The following ARHGEF10L variants were observed in gnomAD, a reference collection of about 807,000 sequenced individuals.
ARHGEF10L encodes Rho guanine nucleotide exchange factor 10 like.
ARHGEF10L carries 69 observed loss-of-function variants against 141.2 expected under a neutral mutation model. That is an observed-to-expected ratio of 0.49 (90% CI 0.40 to 0.60). ARHGEF10L has a LOEUF of 0.60. Among genes scored for constraint, ARHGEF10L ranks in the 20% least tolerant of loss-of-function variants. The pLI is 0.00. For synonymous variants in ARHGEF10L, 711 were observed against 718.5 expected, an observed-to-expected ratio of 0.99 and a Z score of 0.17; for missense variants, 1,482 against 1,734.3, an observed-to-expected ratio of 0.85 and a Z score of 2.58.
chr1:17,662,923 A>C (rs2062718780), intron 25 of ARHGEF10L, among the ~76,000 whole-genome samples: 1 of 152,110 alleles, frequency 6.6e-6, no homozygotes, highest in Admixed American at 6.5e-5. Context: ...ACAAGCTCAC[A>C]GCTAGCTGTG....
At chr1:17,529,822 G>A in the ARHGEF10L span, among the ~76,000 whole-genome samples, 14 of 132,688 alleles carry the variant, frequency 1.1e-4, no homozygotes, top group South Asian at 3.6e-3. Flanking sequence ...GAACACATCA[G>A]TCTTTTTTTT....
chr1:17,520,212 C>T, the ARHGEF10L span, among the ~76,000 whole-genome samples: 313 of 152,316 alleles, frequency 2.1e-3, 1 homozygote, highest in African/African-American at 7.1e-3. Context: ...AGCTTTTCCT[C>T]GTGGACTGCC....
intron 2 of ARHGEF10L, among the ~76,000 whole-genome samples, chr1:17,583,925 C>A (rs1314098308): frequency 1.3e-5 from 2 of 152,182 alleles, no homozygotes; most frequent in Non-Finnish European, 1.5e-5. Flanking sequence ...GATCATGGCT[C>A]ACTGCAGCCT....
intron 5 of ARHGEF10L, 150 bp downstream of exon 5, chr1:17,602,368 G>GC: frequency 1.2e-6 from 1 of 804,264 alleles, no homozygotes; most frequent in Non-Finnish European, 1.9e-6. Context: ...ACCAACCACC[G>GC]CCCCCAAGAG....
At position 17,656,042 on chromosome 1, in the gene ARHGEF10L, C is replaced by T; in HGVS notation, c.2645C>T (p.Thr882Ile). 6.4e-7 allele frequency: 1 copy of T among 1,569,896 alleles called. No homozygotes were observed. The highest frequency in any genetic ancestry group is 8.6e-7 in the Non-Finnish European group (1 of 1,156,924). Residue 882 changes from threonine (T) to isoleucine (I), a missense_variant, in exon 24 of 29, where the codon ACA becomes ATA. Thr to Ile is a moderately conservative substitution (Grantham distance 89). Transcript: ENST00000361221. This position sits in a 1 kb window ranked among gnomAD's most constrained non-coding sequence, Gnocchi z 4.9. ...EEAESRDESPTVADPSATVHP... is the reference protein window; with the variant it reads ...EEAESRDESPIVADPSATVHP... ...GCGGAGAGCAGAGACGAGAGCCCGA[C>T]AGTTGCTGACCCCTCGGCCACGGTG...
At chr1:17,516,582 G>A in the ARHGEF10L span, among the ~76,000 whole-genome samples, 3 of 152,308 alleles carry the variant, frequency 2.0e-5, no homozygotes, top group Admixed American at 2.0e-4. Context: ...CAGCCTTCCC[G>A]GTGGGTGAGA....
At chr1:17,517,240 C>T in the ARHGEF10L span, among the ~76,000 whole-genome samples, 1 of 152,214 alleles carries the variant, frequency 6.6e-6, no homozygotes, top group African/African-American at 2.4e-5. Flanking sequence ...GTTACTTTAG[C>T]TCTGAGAATC....
At chr1:17,530,261 C>CT in the ARHGEF10L span, among the ~76,000 whole-genome samples, 7 of 152,240 alleles carry the variant, frequency 4.6e-5, no homozygotes, top group Middle Eastern at 3.4e-3. Context: ...ATCATGCTGG[C>CT]TTACCTGTAA....
chr1:17,635,969 A>G (rs1406888376), intron 18 of ARHGEF10L, among the ~76,000 whole-genome samples: 2 of 151,968 alleles, frequency 1.3e-5, no homozygotes, highest in African/African-American at 4.8e-5. Context: ...TGATTGCACC[A>G]CCTACTCTTG....
intron 10 of ARHGEF10L, among the ~76,000 whole-genome samples, chr1:17,620,561 T>C (rs534955141): frequency 3.7e-4 from 56 of 152,282 alleles, no homozygotes; most frequent in Non-Finnish European, 7.2e-4. Context: ...TGCCATCTGC[T>C]GGGACTGTGT....
Position 17,664,607 on chromosome 1 carries a change from T to C in ARHGEF10L, c.3009+12T>C. On this transcript the variant is annotated intron_variant, in intron 26 of 28. Coordinates refer to ENST00000361221, the MANE Select transcript of ARHGEF10L (RefSeq NM_018125.4). ...CCCTGCAGCCTCAGGTACTGCACTA[T>C]CCTTTGGCTTGTGGCCCTGGAGGCC... 1.3e-6 allele frequency: 2 copies of C among 1,522,594 alleles called. No individual in the cohort carries two copies. Among genetic ancestry groups the C allele is most frequent in the Admixed American group, 2.0e-5 (1 of 49,282 alleles). The allele number at this position is 1,522,594 out of a possible 1,614,324, so 94.3% of individuals were successfully genotyped here. A position where few individuals can be genotyped will look rare whatever the true frequency, so the allele number is the denominator to read the frequency against.
intron 4 of ARHGEF10L, among the ~76,000 whole-genome samples, chr1:17,598,161 G>T (rs576610846): frequency 6.6e-6 from 1 of 151,900 alleles, no homozygotes; most frequent in African/African-American, 2.4e-5. Context: ...GAGTGCAGTG[G>T]CACGATCTCA....
At position 17,644,611 on chromosome 1, in the gene ARHGEF10L, C is replaced by T. The variant is rs1440710758; in HGVS notation, c.2273-3943C>T. ...CTGTGGCTGTGGCCAGCAGCATCTC[C>T]ATGGTGCTGGGGAGGTGTGAGCGGT... On this transcript the variant is annotated intron_variant, in intron 21 of 28. Coordinates refer to ENST00000361221, the MANE Select transcript of ARHGEF10L (RefSeq NM_018125.4). The surrounding 1 kb of genome is among the most constrained non-coding windows in gnomAD (Gnocchi z 4.5). Among the ~76,000 whole-genome samples, 1 of 152,188 alleles carries T rather than the reference C, an allele frequency of 6.6e-6. No individual in the cohort carries two copies. The highest frequency in any genetic ancestry group is 2.4e-5 in the African/African-American group (1 of 41,448).
At chr1:17,563,920 C>T (rs2077643175) in intron 1 of ARHGEF10L, among the ~76,000 whole-genome samples, 1 of 152,134 alleles carries the variant, frequency 6.6e-6, no homozygotes, top group African/African-American at 2.4e-5. Flanking sequence ...AACAAAATGA[C>T]CCAGACAACA....
chr1:17,624,891 T>G (rs956896101), intron 13 of ARHGEF10L, among the ~76,000 whole-genome samples: 1 of 152,192 alleles, frequency 6.6e-6, no homozygotes, highest in Non-Finnish European at 1.5e-5. Flanking sequence ...AAATTCCTTA[T>G]AGGGGTATCT....
chr1:17,651,611 T>C (rs915964656), intron 22 of ARHGEF10L, among the ~76,000 whole-genome samples: 2 of 152,082 alleles, frequency 1.3e-5, no homozygotes, highest in Non-Finnish European at 2.9e-5. Flanking sequence ...GAAACCCCCA[T>C]CCAGGTGGGG....
upstream of ARHGEF10L, among the ~76,000 whole-genome samples, chr1:17,536,306 C>T (rs557211932): frequency 1.3e-5 from 2 of 152,192 alleles, no homozygotes; most frequent in Middle Eastern, 3.4e-3. Flanking sequence ...ATGGTGAAAC[C>T]CCATCTCTAC....
chr1:17,602,846 C>CA (rs2080821269), intron 5 of ARHGEF10L, among the ~76,000 whole-genome samples: 1 of 151,292 alleles, frequency 6.6e-6, no homozygotes, highest in African/African-American at 2.4e-5. Context: ...GGGGTGGGGG[C>CA]AGTGTAGGAG....
chr1:17,687,552 A>G (rs1159646759), intron 26 of ARHGEF10L, 21 bp from the exon 27 acceptor site: 1 of 1,611,238 alleles, frequency 6.2e-7, no homozygotes. Context: ...CAGTATCGAC[A>G]CTCCTCCCTT....
Sources: allele counts gnomAD v4.1 joint callset (sites outside exome capture counted in the v4.1 genomes callset), GRCh38; gene constraint gnomAD v4.1.1; non-coding constraint Gnocchi (gnomAD v3.1); transcripts MANE v1.5; gene names NCBI Gene and HGNC (gene_info 2026-07-23, HGNC 2026-07-21).